FILIP1: variants seen among roughly 807,000 people sequenced by gnomAD.
FILIP1 encodes the protein filamin-A-interacting protein 1.
In FILIP1, 61 loss-of-function variants were observed where a neutral mutation model predicts 102.1. The ratio of observed to expected loss-of-function variants is 0.60; its 90% confidence interval spans 0.49 to 0.74. The LOEUF is 0.74. Ranked by LOEUF, FILIP1 falls within the 30% of genes least tolerant of loss-of-function variation. FILIP1 has a pLI of 0.00. For synonymous variants in FILIP1, 491 were observed against 526.9 expected, an observed-to-expected ratio of 0.93 and a Z score of 0.93; for missense variants, 1,314 against 1,441.2, an observed-to-expected ratio of 0.91 and a Z score of 1.43.
At position 75,448,319 on chromosome 6, in the gene FILIP1, T is replaced by C. The variant is rs186609940; in HGVS notation, c.-6-33341A>G. Among the ~76,000 whole-genome samples the C allele has an allele frequency of 8.7e-4, 132 of 152,280 alleles. 1 individual carries two copies. Among genetic ancestry groups the C allele is most frequent in the Admixed American group, 5.2e-4 (8 of 15,300 alleles). On this transcript the variant is annotated intron_variant, in intron 1 of 5. Transcript: ENST00000237172. ...TCTACTAATAGGTGAGAGTTCCTAT[T>C]TACAAGGATATGTATTTAGCATTTC...
chr6:75,415,392 T>C (rs1189183139), intron 1 of FILIP1, among the ~76,000 whole-genome samples: 1 of 151,190 alleles, frequency 6.6e-6, no homozygotes, highest in African/African-American at 2.4e-5. Flanking sequence ...TGAAATAAAA[T>C]AAAAATCAAT....
At chr6:75,445,287 A>C (rs528973559) in intron 1 of FILIP1, among the ~76,000 whole-genome samples, 1 of 152,194 alleles carries the variant, frequency 6.6e-6, no homozygotes, top group African/African-American at 2.4e-5. Flanking sequence ...TTACTCTTAC[A>C]AGACCTAAGC....
intron 1 of FILIP1, among the ~76,000 whole-genome samples, chr6:75,431,955 T>C (rs374335848): frequency 1.3e-5 from 2 of 152,180 alleles, no homozygotes; most frequent in East Asian, 3.8e-4. Context: ...AAATAAAGTT[T>C]CTCTTCTAAG....
chr6:75,310,301 C>T (rs1773138080), intron 5 of FILIP1, among the ~76,000 whole-genome samples: 1 of 152,252 alleles, frequency 6.6e-6, no homozygotes, highest in South Asian at 2.1e-4. Context: ...ATACCTCTAT[C>T]ATAGAACCAC....
At chr6:75,295,806 G>A (rs1044078684) in exon 7 of FILIP1, 3 of 654,468 alleles carry the variant, frequency 4.6e-6, no homozygotes, top group Non-Finnish European at 6.6e-6. Context: ...AATATTTCCA[G>A]TAGTGATCAG....
At chr6:75,410,049 C>A (rs2951940) in intron 2 of FILIP1, among the ~76,000 whole-genome samples, 7,340 of 152,232 alleles carry the variant, frequency 0.048, 604 homozygotes, top group African/African-American at 0.17. Context: ...CCATTTTTCT[C>A]CTGCAATACC....
At chr6:75,472,125 C>G (rs190015331) in intron 1 of FILIP1, among the ~76,000 whole-genome samples, 2 of 152,140 alleles carry the variant, frequency 1.3e-5, no homozygotes, top group East Asian at 1.9e-4. Flanking sequence ...AAAATCTAAG[C>G]TATTTCTTCT....
At chr6:75,358,674 T>C (rs2149608108) in intron 3 of FILIP1, 1 of 152,348 alleles carries the variant, frequency 6.6e-6, no homozygotes, top group East Asian at 1.9e-4. Flanking sequence ...GTCTCAGCTG[T>C]TGTAGACGGA....
At chr6:75,390,189 A>G (rs1776238620) in intron 2 of FILIP1, among the ~76,000 whole-genome samples, 1 of 151,670 alleles carries the variant, frequency 6.6e-6, no homozygotes, top group Non-Finnish European at 1.5e-5. Flanking sequence ...TTTCTATCCC[A>G]CTCTCCTTGT....
chr6:75,343,483 C>T (rs1204006686), intron 4 of FILIP1, among the ~76,000 whole-genome samples: 1 of 152,132 alleles, frequency 6.6e-6, no homozygotes, highest in Admixed American at 6.6e-5. Context: ...TTTGGACTAC[C>T]CCCTCCTACA....
chr6:75,368,212 GGGGT>G (rs2149620533), intron 2 of FILIP1, among the ~76,000 whole-genome samples: 1 of 152,310 alleles, frequency 6.6e-6, no homozygotes, highest in East Asian at 1.9e-4. Flanking sequence ...GGTGGAACAA[GGGGT>G]TTCTCAGCTG....
chr6:75,344,386 C>A (rs188266402), intron 4 of FILIP1, among the ~76,000 whole-genome samples: 1 of 152,202 alleles, frequency 6.6e-6, no homozygotes, highest in Non-Finnish European at 1.5e-5. Flanking sequence ...GTTCACCACA[C>A]ATTATTTTAT....
Position 75,314,286 on chromosome 6 carries a change from T to C in FILIP1, c.1546A>G (p.Met516Val). The C allele has an allele frequency of 1.3e-6, 2 of 1,537,440 alleles. No homozygotes were observed. The highest frequency in any genetic ancestry group is 1.7e-6 in the Non-Finnish European group (2 of 1,154,394). ...VMLVDERKNM[M>V]EKIKQEERKV... ...CTCTCTTCTTGTTTTATTTTTTCCA[T>C]CATATTTTTCCTTTCATCAACCAGC... The change falls in exon 5 of 6, where the codon ATG (methionine) becomes GTG (valine). Residue 516 changes from methionine to valine, a missense_variant. Around this residue, in one of 3 missense-constraint regions of FILIP1, gnomAD observed 816 missense variants for 913.1 expected, o/e 0.89. Transcript: ENST00000237172.
rs748854672 is a variant in FILIP1 at position 75,312,409 on chromosome 6, T to G, written c.3423A>C (p.Gly1141=). The G allele has an allele frequency of 6.2e-7, 1 of 1,613,488 alleles. No individual in the cohort carries two copies. ...ITPVTTSSAR[G]TQSVSGQDGS... ...CTCTTCTACTCACCACTGACTGGGT[T>G]CCTCGAGCAGATGACGTTGTGACCG... The change falls in exon 5 of 6, where the codon GGA becomes GGC. Residue 1141 remains glycine (G), a synonymous_variant. Coordinates refer to ENST00000237172, the MANE Select transcript of FILIP1 (RefSeq NM_015687.5).
intron 1 of FILIP1, among the ~76,000 whole-genome samples, chr6:75,442,423 A>G (rs1778296627): frequency 1.3e-5 from 2 of 152,330 alleles, no homozygotes; most frequent in Admixed American, 6.5e-5. Flanking sequence ...TGGAGGTTGT[A>G]GCGAGCCAAG....
chr6:75,444,804 T>G (rs962424002), intron 1 of FILIP1, among the ~76,000 whole-genome samples: 1 of 152,204 alleles, frequency 6.6e-6, no homozygotes, highest in African/African-American at 2.4e-5. Context: ...ATATGTGTAT[T>G]TGTAGAGAAA....
intron 2 of FILIP1, among the ~76,000 whole-genome samples, chr6:75,392,443 T>G (rs116875439): frequency 6.6e-6 from 1 of 152,166 alleles, no homozygotes; most frequent in East Asian, 1.9e-4. Context: ...TACAAAACTA[T>G]ATTTCTAGTT....
chr6:75,314,676 G>A lies in FILIP1; in HGVS notation c.1156C>T (p.Arg386Cys), dbSNP rs141766419. The A allele has an allele frequency of 7.9e-5, 127 of 1,613,550 alleles. No individual in the cohort carries two copies. Among genetic ancestry groups the A allele is most frequent in the African/African-American group, 5.6e-4 (42 of 74,842 alleles). Residue 386 changes from arginine (R) to cysteine (C), a missense_variant, in exon 5 of 6, where the codon CGT becomes TGT. Physicochemically the swap from Arg to Cys is radical, Grantham distance 180. Coordinates refer to ENST00000237172, the MANE Select transcript of FILIP1 (RefSeq NM_015687.5). ...LMAEVENLRKRVLEMEGKDEE... is the reference protein window; with the variant it reads ...LMAEVENLRKCVLEMEGKDEE... ...TCTTTACCTTCCATTTCAAGCACAC[G>A]CTTTCGAAGATTTTCCACTTCTGCC...
intron 2 of FILIP1, among the ~76,000 whole-genome samples, chr6:75,387,019 G>GC (rs1434787843): frequency 6.6e-6 from 1 of 151,126 alleles, no homozygotes; most frequent in Non-Finnish European, 1.5e-5. Flanking sequence ...TCCTCCCCTT[G>GC]CCCCCCACCC....
Sources: gnomAD v4.1 joint callset for allele counts (sites outside exome capture counted in the v4.1 genomes callset) on GRCh38, gnomAD v4.1.1 for gene constraint, gnomAD v4.1.1 regional missense constraint, MANE v1.5 for transcripts, NCBI Gene and HGNC (gene_info 2026-07-23, HGNC 2026-07-21) for gene names.